The following B4GALNT3 variants were observed in gnomAD, a reference collection of about 807,000 sequenced individuals.
The protein encoded by B4GALNT3 is beta-1,4-N-acetylgalactosaminyltransferase 3.
In B4GALNT3, 86 loss-of-function variants were observed where a neutral mutation model predicts 120.2. The ratio of observed to expected loss-of-function variants is 0.72; its 90% CI spans 0.60 to 0.86. The LOEUF (loss-of-function observed/expected upper bound fraction) is 0.86. Among genes scored for constraint, B4GALNT3 ranks in the 40% least tolerant of loss-of-function variants. The pLI is 0.00. For synonymous variants in B4GALNT3, 518 were observed against 510.4 expected, an observed-to-expected ratio of 1.01 and a Z score of -0.20; for missense variants, 1,167 against 1,298.9, an observed-to-expected ratio of 0.90 and a Z score of 1.56.
Position 548,366 on chromosome 12 carries a change from CAGGGGAGG to C in B4GALNT3, c.853+87_853+94del, listed in dbSNP as rs556823085. ...GGACAGCCTACCCTGGGGGATTTGG[CAGGGGAGG>C]AGGGGAGGAGGGGAGGAAGGAAGCT... On this transcript the variant is annotated intron_variant, in intron 9 of 19. Transcript: ENST00000266383. The surrounding 1 kb of genome is among the most constrained non-coding windows in gnomAD (Gnocchi z 4.9). 86 of 1,496,996 alleles carry C rather than the reference CAGGGGAGG, an allele frequency of 5.7e-5. No individual in the cohort carries two copies. Among genetic ancestry groups the C allele is most frequent in the East Asian group, 2.7e-4 (12 of 44,064 alleles). The allele number at this position is 1,496,996 out of a possible 1,614,324, so 92.7% of individuals were successfully genotyped here.
At chr12:505,065 T>G (rs926002855) in intron 1 of B4GALNT3, among the ~76,000 whole-genome samples, 1 of 152,030 alleles carries the variant, frequency 6.6e-6, no homozygotes, top group Non-Finnish European at 1.5e-5. Context: ...TAATGTTTTC[T>G]GTATTTTTAG....
chr12:488,330 C>T (rs1200595698), intron 1 of B4GALNT3, among the ~76,000 whole-genome samples: 3 of 152,072 alleles, frequency 2.0e-5, no homozygotes, highest in African/African-American at 7.2e-5. Flanking sequence ...ACGTCAGAAA[C>T]TTGGATCTAC....
At chr12:534,688 A>T (rs1220489349) in intron 1 of B4GALNT3, among the ~76,000 whole-genome samples, 1 of 152,176 alleles carries the variant, frequency 6.6e-6, no homozygotes, top group Non-Finnish European at 1.5e-5. Flanking sequence ...TGCCTCTCTC[A>T]GCTCCGGCTC....
intron 11 of B4GALNT3, among the ~76,000 whole-genome samples, 159 bp from the exon 12 acceptor site, chr12:551,904 C>A (rs944167264): frequency 6.6e-6 from 1 of 152,050 alleles, no homozygotes; most frequent in East Asian, 1.9e-4. Context: ...TGCATCACCA[C>A]GTTTCATTCG....
Position 560,532 on chromosome 12 carries a change from G to T in B4GALNT3, c.2889-811G>T, listed in dbSNP as rs560447658. On this transcript the variant is annotated intron_variant, in intron 19 of 19. Coordinates refer to ENST00000266383, the MANE Select transcript of B4GALNT3 (RefSeq NM_173593.4). ...ACTAGGTCTATTGGTGTTTTTTCCC[G>T]TTGAGGGAAGAAAGAAAAGGAAGGT... is the stretch of plus-strand genomic sequence containing the variant. Among the ~76,000 whole-genome samples, 10 of 152,228 alleles carry T rather than the reference G, an allele frequency of 6.6e-5. No homozygotes were observed. The East Asian group carries it at 9.6e-4, about 15-fold the overall frequency.
At chr12:544,290 G>T in intron 3 of B4GALNT3, 49 bp from the exon 4 acceptor site, 1 of 1,564,246 alleles carries the variant, frequency 6.4e-7, no homozygotes. Flanking sequence ...GATCTGGGGC[G>T]GGCATGGGGT....
chr12:521,501 C>T (rs1209649318), intron 1 of B4GALNT3, among the ~76,000 whole-genome samples: 1 of 152,088 alleles, frequency 6.6e-6, no homozygotes, highest in African/African-American at 2.4e-5. Flanking sequence ...TTACTCTTGG[C>T]CTGAATTAGG....
At chr12:544,121 C>T (rs554346330) in intron 3 of B4GALNT3, among the ~76,000 whole-genome samples, 10 of 123,656 alleles carry the variant, frequency 8.1e-5, no homozygotes, top group East Asian at 2.2e-4. Context: ...GGAGCTGGGA[C>T]GGGCATGGGG....
chr12:545,608 C>T, intron 6 of B4GALNT3, 139 bp downstream of exon 6: 1 of 821,332 alleles, frequency 1.2e-6, no homozygotes. Flanking sequence ...TCCTCCCTCA[C>T]CCCTACCCCT....
chr12:506,022 T>A (rs985074432), intron 1 of B4GALNT3, among the ~76,000 whole-genome samples: 1 of 152,226 alleles, frequency 6.6e-6, no homozygotes, highest in African/African-American at 2.4e-5. Context: ...TAACCCGATT[T>A]GTCTGTCTCA....
chr12:460,513 C>T lies in B4GALNT3; in HGVS notation c.137C>T (p.Ser46Leu), dbSNP rs775018931. 1.3e-6 allele frequency: 2 copies of T among 1,557,248 alleles called. No individual in the cohort carries two copies. Among genetic ancestry groups the T allele is most frequent in the African/African-American group, 1.4e-5 (1 of 71,812 alleles). Residue 46 changes from serine (S) to leucine (L), a missense_variant, in exon 1 of 20, where the codon TCG becomes TTG. By Grantham distance (145) the Ser-to-Leu change is moderately radical. Transcript: ENST00000266383. This position sits in a 1 kb window ranked among gnomAD's most constrained non-coding sequence, Gnocchi z 8.0. ...LWTLYLELVA[S>L]AQVGGNPLNR... ...ACTCTGTATCTGGAACTGGTGGCGTCGGCCCAGGTCGGCGGGAACCCCCTG... is the reference window on the plus strand; with the variant it reads ...ACTCTGTATCTGGAACTGGTGGCGTTGGCCCAGGTCGGCGGGAACCCCCTG...
In B4GALNT3 at chr12:516,985, A is replaced by G. The variant is rs113434392; in HGVS notation, c.170-18181A>G. Reference sequence around the variant, plus strand: ...TGGGGAGAGGAATCAAGTAGTTTGAAGATTTTTGACCTGGGTGGTTGGAAG... The same window carrying G: ...TGGGGAGAGGAATCAAGTAGTTTGAGGATTTTTGACCTGGGTGGTTGGAAG... On this transcript the variant is annotated intron_variant, in intron 1 of 19. Coordinates refer to ENST00000266383, the MANE Select transcript of B4GALNT3 (RefSeq NM_173593.4). Among the ~76,000 whole-genome samples the G allele has an allele frequency of 4.2e-3, 643 of 152,258 alleles. 4 individuals carry two copies. The highest frequency in any genetic ancestry group is 0.015 in the African/African-American group (618 of 41,556).
At chr12:462,636 G>A (rs943057666) in intron 1 of B4GALNT3, among the ~76,000 whole-genome samples, 1 of 151,944 alleles carries the variant, frequency 6.6e-6, no homozygotes, top group Non-Finnish European at 1.5e-5. Flanking sequence ...TTTAACAGGA[G>A]GCTAAGCTCA....
At chr12:546,803 C>A in intron 7 of B4GALNT3, 90 bp downstream of exon 7, 1 of 1,301,784 alleles carries the variant, frequency 7.7e-7, no homozygotes, top group South Asian at 1.3e-5. Flanking sequence ...GCTGCCGACT[C>A]CAGAGCTTCC....
At chr12:494,480 A>G (rs539292124) in intron 1 of B4GALNT3, among the ~76,000 whole-genome samples, 113 of 152,268 alleles carry the variant, frequency 7.4e-4, no homozygotes, top group African/African-American at 2.6e-3. Flanking sequence ...GTTCAGGAGT[A>G]TGAGCGCTGG....
intron 18 of B4GALNT3, among the ~76,000 whole-genome samples, 200 bp from the exon 19 acceptor site, chr12:559,095 C>G (rs1446241416): frequency 6.6e-6 from 1 of 152,096 alleles, no homozygotes; most frequent in Non-Finnish European, 1.5e-5. Context: ...AGCCTGGTAG[C>G]ACTGCTGAGC....
intron 1 of B4GALNT3, among the ~76,000 whole-genome samples, chr12:463,174 G>A (rs568925006): frequency 6.6e-6 from 1 of 152,194 alleles, no homozygotes; most frequent in Non-Finnish European, 1.5e-5. Flanking sequence ...CCATTACCAG[G>A]AACCTTTCAT....
chr12:470,746 T>C (rs1946128028), intron 1 of B4GALNT3, among the ~76,000 whole-genome samples: 1 of 152,086 alleles, frequency 6.6e-6, no homozygotes, highest in African/African-American at 2.4e-5. Flanking sequence ...TGTTTTGTTT[T>C]GTTTTGTTTT....
intron 1 of B4GALNT3, among the ~76,000 whole-genome samples, chr12:481,650 G>A (rs1946243904): frequency 6.6e-6 from 1 of 152,198 alleles, no homozygotes; most frequent in Admixed American, 6.5e-5. Flanking sequence ...GTGGAGAGCG[G>A]AGCTAATTTT....
Sources: allele counts gnomAD v4.1 joint callset (sites outside exome capture counted in the v4.1 genomes callset), GRCh38; gene constraint gnomAD v4.1.1; non-coding constraint Gnocchi (gnomAD v3.1); transcripts MANE v1.5; gene names NCBI Gene and HGNC (gene_info 2026-07-23, HGNC 2026-07-21).